The following CCDC40 variants were observed in gnomAD, a reference collection of about 807,000 sequenced individuals.
CCDC40 encodes coiled-coil domain 40 molecular ruler complex subunit, also known as coiled-coil domain-containing protein 40.
CCDC40 carries 104 observed loss-of-function variants against 124.5 expected under a neutral mutation model. The ratio of observed to expected loss-of-function variants is 0.84; its 90% CI spans 0.71 to 0.98. CCDC40 has a LOEUF of 0.98. Ranked by LOEUF, CCDC40 falls within the 50% of genes least tolerant of loss-of-function variation. CCDC40 has a pLI of 0.00. For missense variants in CCDC40, 1,463 were observed against 1,503.9 expected, an observed-to-expected ratio of 0.97 and a Z score of 0.45; for synonymous variants, 580 against 602.9, an observed-to-expected ratio of 0.96 and a Z score of 0.56.
At chr17:80,042,906 T>G (rs2143587997) in intron 3 of CCDC40, among the ~76,000 whole-genome samples, 1 of 151,986 alleles carries the variant, frequency 6.6e-6, no homozygotes, top group South Asian at 2.1e-4. Context: ...TTTTGTCAAA[T>G]CCTTTTCTGT....
intron 19 of CCDC40, among the ~76,000 whole-genome samples, chr17:80,098,191 T>C (rs1193012568): frequency 6.6e-6 from 1 of 152,152 alleles, no homozygotes. Flanking sequence ...CAAGGGCTAC[T>C]AGAGGCCAGT....
At chr17:80,068,389 C>T (rs922345634) in intron 10 of CCDC40, among the ~76,000 whole-genome samples, 2 of 152,114 alleles carry the variant, frequency 1.3e-5, no homozygotes, top group Non-Finnish European at 2.9e-5. Flanking sequence ...ACTGTAATTA[C>T]AGAGATTTGC....
In CCDC40 at chr17:80,058,095, G is replaced by A. The variant is rs931390262; in HGVS notation, c.1160-399G>A. Among the ~76,000 whole-genome samples, 4 of 152,076 alleles carry A rather than the reference G, an allele frequency of 2.6e-5. No homozygotes were observed. Among genetic ancestry groups the A allele is most frequent in the African/African-American group, 9.7e-5 (4 of 41,402 alleles). ...AGCTCAGCCTGCCCTGGATGTTCTCGTCTCCTCCCAGGGGACTTAAGACTC... is the reference window on the plus strand; with the variant it reads ...AGCTCAGCCTGCCCTGGATGTTCTCATCTCCTCCCAGGGGACTTAAGACTC... On this transcript the variant is annotated intron_variant, in intron 7 of 19. Coordinates refer to ENST00000397545, the MANE Select transcript of CCDC40 (RefSeq NM_017950.4). This position sits in a 1 kb window ranked among gnomAD's most constrained non-coding sequence, Gnocchi z 4.2.
At chr17:80,097,083 G>GC (rs2038823260) in intron 18 of CCDC40, among the ~76,000 whole-genome samples, 162 bp from the exon 19 acceptor site, 1 of 152,178 alleles carries the variant, frequency 6.6e-6, no homozygotes, top group South Asian at 2.1e-4. Flanking sequence ...GCTGGGCCTG[G>GC]CATCTCCCAG....
At chr17:80,057,331 G>T (rs1443325048) in intron 7 of CCDC40, among the ~76,000 whole-genome samples, 3 of 151,734 alleles carry the variant, frequency 2.0e-5, no homozygotes, top group Non-Finnish European at 2.9e-5. Context: ...CAAGTGATCC[G>T]CCCACCTCGG....
rs2143751876 is a variant in CCDC40 at position 80,087,169 on chromosome 17, GT to G, written c.2450-434del. On this transcript the variant is annotated intron_variant, in intron 14 of 19. Coordinates refer to ENST00000397545, the MANE Select transcript of CCDC40 (RefSeq NM_017950.4). This position sits in a 1 kb window ranked among gnomAD's most constrained non-coding sequence, Gnocchi z 4.5. ...CATCTTAACATCAAGAAGAGCTGTT[GT>G]TTTCTGCCCCTACCCCTGAGCTTGG... 3.9e-6 allele frequency: 1 copy of G among 256,486 alleles called. No homozygotes were observed. The highest frequency in any genetic ancestry group is 9.0e-5 in the East Asian group (1 of 11,162). 15.9% of individuals were successfully genotyped at this position (256,486 alleles called of 1,614,324 possible).
At chr17:80,065,675 C>T (rs1472161907) in intron 10 of CCDC40, 69 bp downstream of exon 10, 2 of 1,592,184 alleles carry the variant, frequency 1.3e-6, no homozygotes, top group Admixed American at 3.3e-5. Flanking sequence ...CCGCCCCACA[C>T]CCCCTCTCTC....
At chr17:80,036,773 G>T in intron 1 of CCDC40, 82 bp downstream of exon 1, 1 of 1,336,832 alleles carries the variant, frequency 7.5e-7, no homozygotes, top group Non-Finnish European at 9.9e-7. Flanking sequence ...CCCCGCGTCG[G>T]CTCCTGCCTC....
chr17:80,062,455 T>TC (rs2037928620), intron 9 of CCDC40, among the ~76,000 whole-genome samples: 1 of 97,834 alleles, frequency 1.0e-5, no homozygotes, highest in Non-Finnish European at 2.0e-5. Flanking sequence ...CTCTCCCCCC[T>TC]CCCCCCACCC....
At position 80,056,012 on chromosome 17, in the gene CCDC40, A is replaced by ATTTTT. The variant is rs1278622929; in HGVS notation, c.1160-2481_1160-2480insTTTTT. Among the ~76,000 whole-genome samples the ATTTTT allele has an allele frequency of 4.0e-3, 57 of 14,134 alleles. 1 individual carries two copies. Among genetic ancestry groups the ATTTTT allele is most frequent in the Admixed American group, 1.0e-2 (5 of 502 alleles). 9.3% of individuals were successfully genotyped at this position (14,134 alleles called of 152,430 possible). ...TATATATATATATATATATATATAT[A>ATTTTT]TATATTTTTTTTTTTTTTTGGTAGA... On this transcript the variant is annotated intron_variant, in intron 7 of 19. Transcript: ENST00000397545.
chr17:80,090,146 G>A, intron 17 of CCDC40: 4 of 1,535,858 alleles, frequency 2.6e-6, no homozygotes, highest in Middle Eastern at 1.7e-4. Context: ...CAGAAATATT[G>A]CAGAACAACA....
In CCDC40 at chr17:80,058,509, C is replaced by T; in HGVS notation, c.1175C>T (p.Thr392Ile). The T allele has an allele frequency of 6.2e-7, 1 of 1,614,090 alleles. No individual in the cohort carries two copies. Among genetic ancestry groups the T allele is most frequent in the East Asian group, 2.2e-5 (1 of 44,878 alleles). ...EERKKLAALQ[T>I]EMENLALHLF... ...CGCCCCGCAGTGGCGGCTCTGCAGA[C>T]TGAGATGGAGAACTTGGCCCTGCAT... The change falls in exon 8 of 20, where the codon ACT (threonine) becomes ATT (isoleucine). Residue 392 changes from threonine to isoleucine, a missense_variant. Transcript: ENST00000397545. This position sits in a 1 kb window ranked among gnomAD's most constrained non-coding sequence, Gnocchi z 4.2.
intron 16 of CCDC40, among the ~76,000 whole-genome samples, chr17:80,089,076 C>T (rs1302181353): frequency 1.3e-5 from 2 of 152,212 alleles, no homozygotes; most frequent in Non-Finnish European, 2.9e-5. Context: ...ATAATTCCAA[C>T]GCCCTTCACT....
intron 9 of CCDC40, among the ~76,000 whole-genome samples, chr17:80,063,010 C>T (rs2037944121): frequency 6.6e-6 from 1 of 152,132 alleles, no homozygotes; most frequent in Admixed American, 6.5e-5. Context: ...GCCTGGCCAA[C>T]ATGGTGAAAC....
Position 80,085,782 on chromosome 17 carries a change from G to T in CCDC40, c.2236-221G>T, listed in dbSNP as rs185941507. On this transcript the variant is annotated intron_variant, in intron 13 of 19. Transcript: ENST00000397545. ...CCTCCTGAGTTCAAGCGATTCTCCT[G>T]CCTCAGCCTTCCAAGTAGCTGGGAC... Among the ~76,000 whole-genome samples the T allele has an allele frequency of 6.5e-3, 969 of 148,390 alleles. 5 individuals are homozygous for T. Among genetic ancestry groups the T allele is most frequent in the Middle Eastern group, 0.014 (4 of 284 alleles).
At chr17:80,094,959 A>G (rs560315261) in intron 17 of CCDC40, among the ~76,000 whole-genome samples, 5 of 152,142 alleles carry the variant, frequency 3.3e-5, no homozygotes, top group Admixed American at 1.3e-4. Flanking sequence ...AATTTTCTCA[A>G]TGAGATTTTT....
chr17:80,047,841 C>G (rs577794646), intron 4 of CCDC40, among the ~76,000 whole-genome samples: 1 of 152,204 alleles, frequency 6.6e-6, no homozygotes, highest in Non-Finnish European at 1.5e-5. Context: ...TGTCTTCTTA[C>G]GTAGTCCCAG....
At chr17:80,052,144 T>C (rs1266472279) in intron 7 of CCDC40, among the ~76,000 whole-genome samples, 3 of 152,180 alleles carry the variant, frequency 2.0e-5, no homozygotes, top group Admixed American at 1.3e-4. Flanking sequence ...GGAGGGAGAC[T>C]GTATTAGGGT....
chr17:80,055,476 T>A lies in CCDC40; in HGVS notation c.1160-3018T>A, dbSNP rs1324492749. ...GTCCAGGAAGAAATCCAACAAGGAA[T>A]GATGAGCCTGTCTGAAAAAAAACAA... On this transcript the variant is annotated intron_variant, in intron 7 of 19. Transcript: ENST00000397545. 3.9e-5 allele frequency among the ~76,000 whole-genome samples: 6 copies of A among 152,082 alleles called. No homozygotes were observed. In the South Asian group the frequency reaches 1.2e-3, roughly 32 times the overall value.
Sources: allele counts gnomAD v4.1 joint callset (sites outside exome capture counted in the v4.1 genomes callset), GRCh38; gene constraint gnomAD v4.1.1; non-coding constraint Gnocchi (gnomAD v3.1); transcripts MANE v1.5; gene names NCBI Gene and HGNC (gene_info 2026-07-23, HGNC 2026-07-21).